Variants in SLC2A13 observed in about 807,000 individuals in gnomAD.
SLC2A13 encodes proton myo-inositol cotransporter.
In SLC2A13, 32 loss-of-function variants were observed where a neutral mutation model predicts 64.4. The ratio of observed to expected loss-of-function variants is 0.50; its 90% CI spans 0.37 to 0.67. SLC2A13 has a LOEUF of 0.67. Among genes scored for constraint, SLC2A13 ranks in the 30% least tolerant of loss-of-function variants. The probability of loss-of-function intolerance (pLI) is 0.00; values close to 1 mark genes in which losing one functional copy is unlikely to be tolerated. For missense variants in SLC2A13, 743 were observed against 829.2 expected (o/e 0.90, Z 1.28); for synonymous variants, 338 against 327.1 (o/e 1.03, Z -0.36).
intron 3 of SLC2A13, among the ~76,000 whole-genome samples, chr12:40,014,027 C>T (rs985577857): frequency 8.5e-5 from 13 of 152,156 alleles, no homozygotes; most frequent in Admixed American, 6.5e-4. Flanking sequence ...ATAGCATCAA[C>T]TTCTTGCTTC....
intron 7 of SLC2A13, among the ~76,000 whole-genome samples, chr12:39,786,792 C>T (rs1023733917): frequency 6.6e-6 from 1 of 152,078 alleles, no homozygotes; most frequent in African/African-American, 2.4e-5. Flanking sequence ...TATTTAAATC[C>T]CCTCTCTCCT....
intron 1 of SLC2A13, among the ~76,000 whole-genome samples, chr12:40,070,290 A>G (rs900601235): frequency 6.6e-6 from 1 of 152,150 alleles, no homozygotes; most frequent in African/African-American, 2.4e-5. Flanking sequence ...CCAAAAGAAC[A>G]TGAACATTTA....
intron 4 of SLC2A13, among the ~76,000 whole-genome samples, chr12:39,941,995 G>C (rs12318482): frequency 0.019 from 2,820 of 152,168 alleles, 83 homozygotes; most frequent in African/African-American, 0.063. Context: ...GTTTTTGTTT[G>C]CATTGTCGAA....
In SLC2A13 at chr12:40,070,747, A is replaced by T. The variant is rs941137437; in HGVS notation, c.557-22537T>A. Among the ~76,000 whole-genome samples the T allele has an allele frequency of 3.9e-5, 6 of 152,108 alleles. No individual in the cohort carries two copies. In the South Asian group the frequency reaches 6.2e-4, roughly 16 times the overall value. Reference sequence around the variant, plus strand: ...TCAAAATGCTTTTTCTTCTGTTGTGACCATCCTAGTTACTTCCCTTCACCT... The same window carrying T: ...TCAAAATGCTTTTTCTTCTGTTGTGTCCATCCTAGTTACTTCCCTTCACCT... On this transcript the variant is annotated intron_variant, in intron 1 of 9. Transcript: ENST00000280871.
At chr12:39,859,435 T>C (rs1943698665) in intron 6 of SLC2A13, among the ~76,000 whole-genome samples, 1 of 150,472 alleles carries the variant, frequency 6.6e-6, no homozygotes, top group Non-Finnish European at 1.5e-5. Flanking sequence ...GCCACTGTCC[T>C]GGTGAGGCTG....
At chr12:40,011,387 G>T (rs1947528809) in intron 3 of SLC2A13, among the ~76,000 whole-genome samples, 1 of 152,164 alleles carries the variant, frequency 6.6e-6, no homozygotes, top group Non-Finnish European at 1.5e-5. Flanking sequence ...GGGTGGATCA[G>T]GAGCTTTCAG....
intron 2 of SLC2A13, among the ~76,000 whole-genome samples, chr12:40,036,447 G>A (rs571244468): frequency 6.6e-6 from 1 of 152,282 alleles, no homozygotes; most frequent in Admixed American, 6.5e-5. Context: ...CATAATTCCA[G>A]GAAGTTCTGT....
chr12:40,055,736 T>C (rs1948323464), intron 1 of SLC2A13, among the ~76,000 whole-genome samples: 1 of 152,086 alleles, frequency 6.6e-6, no homozygotes, highest in African/African-American at 2.4e-5. Flanking sequence ...TGAATAAAAA[T>C]CGCCTCTAAT....
chr12:40,072,419 G>C (rs1565614728), intron 1 of SLC2A13, among the ~76,000 whole-genome samples: 1 of 152,078 alleles, frequency 6.6e-6, no homozygotes, highest in Non-Finnish European at 1.5e-5. Flanking sequence ...TAATGGTGTT[G>C]TTGAGTTCAA....
chr12:39,875,380 G>T (rs1279230691), intron 4 of SLC2A13, among the ~76,000 whole-genome samples: 2 of 152,136 alleles, frequency 1.3e-5, no homozygotes, highest in African/African-American at 4.8e-5. Flanking sequence ...TGCCTCCCTT[G>T]TGACTATATT....
At chr12:39,943,396 G>A (rs918700959) in intron 4 of SLC2A13, among the ~76,000 whole-genome samples, 3 of 152,212 alleles carry the variant, frequency 2.0e-5, no homozygotes, top group African/African-American at 7.2e-5. Flanking sequence ...GAAGACGGGA[G>A]TTTGATCTAT....
intron 9 of SLC2A13, among the ~76,000 whole-genome samples, chr12:39,761,389 A>G (rs1940141246): frequency 6.6e-6 from 1 of 152,054 alleles, no homozygotes; most frequent in Non-Finnish European, 1.5e-5. Context: ...AATGGGGAAA[A>G]TAATTCTAGC....
chr12:39,981,997 C>A (rs1161873441), intron 3 of SLC2A13, among the ~76,000 whole-genome samples: 1 of 32,954 alleles, frequency 3.0e-5, no homozygotes, highest in Non-Finnish European at 6.3e-5. Context: ...TGGGCTTCAT[C>A]CCTGGGATGC....
chr12:40,087,005 G>A (rs1348685101), intron 1 of SLC2A13, among the ~76,000 whole-genome samples: 1 of 152,154 alleles, frequency 6.6e-6, no homozygotes. Flanking sequence ...TGGTAGCTCT[G>A]ACAGTGAAAG....
At chr12:39,990,539 C>T (rs1686709589) in intron 3 of SLC2A13, among the ~76,000 whole-genome samples, 1 of 152,166 alleles carries the variant, frequency 6.6e-6, no homozygotes, top group Admixed American at 6.5e-5. Context: ...TATCTCAGCA[C>T]ACACCAGGGA....
intron 3 of SLC2A13, among the ~76,000 whole-genome samples, chr12:39,981,228 A>T (rs1946887174): frequency 6.7e-6 from 1 of 150,302 alleles, no homozygotes; most frequent in South Asian, 2.1e-4. Context: ...AGCAGGAAAG[A>T]TCCAAAATTG....
At chr12:39,927,139 CAT>C (rs1449200574) in intron 4 of SLC2A13, among the ~76,000 whole-genome samples, 50 of 152,228 alleles carry the variant, frequency 3.3e-4, no homozygotes, top group African/African-American at 1.1e-3. Flanking sequence ...TCTTGTCAGC[CAT>C]ATGTCTACAG....
chr12:39,972,003 T>TAA, intron 3 of SLC2A13, among the ~76,000 whole-genome samples: 1 of 24,546 alleles, frequency 4.1e-5, no homozygotes, highest in Non-Finnish European at 1.1e-4. Flanking sequence ...AAAAAATATA[T>TAA]ATATATATAT....
intron 4 of SLC2A13, among the ~76,000 whole-genome samples, chr12:39,911,506 G>A (rs999588441): frequency 2.0e-5 from 3 of 152,008 alleles, no homozygotes; most frequent in Admixed American, 1.3e-4. Context: ...AAAAAGTGTC[G>A]GGGAATCATA....
Sources: allele counts gnomAD v4.1 joint callset (sites outside exome capture counted in the v4.1 genomes callset), GRCh38; gene constraint gnomAD v4.1.1; transcripts MANE v1.5; gene names NCBI Gene and HGNC (gene_info 2026-07-23, HGNC 2026-07-21).